RYK: variants seen among roughly 807,000 people sequenced by gnomAD.
The protein encoded by RYK is receptor like tyrosine kinase.
Under a neutral mutation model 70.2 loss-of-function variants are expected in RYK, and 21 were observed. That is an observed-to-expected ratio of 0.30 (90% CI 0.21 to 0.43). RYK has a LOEUF of 0.43. RYK is among the 20% of genes least tolerant of loss of function. The probability of loss-of-function intolerance (pLI) is 1.00; values close to 1 mark genes in which losing one functional copy is unlikely to be tolerated. For missense variants in RYK, 604 were observed against 753.3 expected (o/e 0.80, Z 2.32); for synonymous variants, 267 against 278.0 (o/e 0.96, Z 0.39).
At chr3:134,193,793 C>T (rs1334420902) in intron 7 of RYK, among the ~76,000 whole-genome samples, 1 of 152,136 alleles carries the variant, frequency 6.6e-6, no homozygotes, top group East Asian at 1.9e-4. Flanking sequence ...GAAACTGGGT[C>T]GGCTACCCTG....
At chr3:134,204,283 C>G (rs1483809591) in intron 5 of RYK, among the ~76,000 whole-genome samples, 1 of 151,798 alleles carries the variant, frequency 6.6e-6, no homozygotes, top group African/African-American at 2.4e-5. Context: ...CCCTTGAGGT[C>G]AGGAGTTTGA....
At chr3:134,191,202 C>A (rs542063115) in intron 8 of RYK, among the ~76,000 whole-genome samples, 2 of 152,312 alleles carry the variant, frequency 1.3e-5, no homozygotes, top group East Asian at 3.9e-4. Context: ...CTTCTTTCAG[C>A]ATCTCCCTAA....
intron 5 of RYK, among the ~76,000 whole-genome samples, chr3:134,204,369 C>T (rs981244600): frequency 4.0e-5 from 6 of 151,586 alleles, no homozygotes; most frequent in South Asian, 2.1e-4. Flanking sequence ...TATGGTGGTG[C>T]GCACCTGTAG....
intron 13 of RYK, among the ~76,000 whole-genome samples, chr3:134,165,095 T>C (rs576337640): frequency 2.0e-4 from 31 of 152,362 alleles, no homozygotes; most frequent in African/African-American, 6.7e-4. Context: ...CAGCAATGTA[T>C]TGTATAGCTC....
intron 14 of RYK, among the ~76,000 whole-genome samples, chr3:134,158,637 G>T (rs4349494): frequency 0.091 from 13,817 of 152,232 alleles, 1,285 homozygotes; most frequent in South Asian, 0.32. Flanking sequence ...AGTAAAATCA[G>T]TACAAAAGCT....
chr3:134,207,589 TA>T, intron 4 of RYK, 64 bp from the exon 5 acceptor site: 5 of 1,072,396 alleles, frequency 4.7e-6, no homozygotes, highest in Non-Finnish European at 6.8e-6. Flanking sequence ...CCTTAATTAC[TA>T]TAATTATCAG....
intron 5 of RYK, among the ~76,000 whole-genome samples, chr3:134,203,097 A>G (rs2014079457): frequency 6.6e-6 from 1 of 152,172 alleles, no homozygotes. Context: ...CTGTAATCCC[A>G]GCACTTCGGG....
intron 1 of RYK, among the ~76,000 whole-genome samples, chr3:134,235,512 AATCTATAGAGAAT>A (rs1220815587): frequency 3.9e-5 from 6 of 152,152 alleles, no homozygotes; most frequent in Non-Finnish European, 8.8e-5. Flanking sequence ...AAAAAGATGA[AATCTATAGAGAAT>A]ATCATACTTT....
intron 1 of RYK, among the ~76,000 whole-genome samples, chr3:134,246,260 T>C (rs1387774137): frequency 6.7e-6 from 1 of 149,902 alleles, no homozygotes; most frequent in Non-Finnish European, 1.5e-5. Context: ...AGATCATTTG[T>C]AGTGGGTTCA....
intron 9 of RYK, among the ~76,000 whole-genome samples, chr3:134,186,182 T>G (rs1176968259): frequency 6.6e-6 from 1 of 152,220 alleles, no homozygotes; most frequent in East Asian, 1.9e-4. Context: ...ACTGATTCAT[T>G]TATTTTATGG....
At chr3:134,192,395 T>C (rs1208511666) in intron 7 of RYK, among the ~76,000 whole-genome samples, 1 of 150,092 alleles carries the variant, frequency 6.7e-6, no homozygotes, top group Non-Finnish European at 1.5e-5. Context: ...TGAAAAGATT[T>C]TTTTCAAACA....
At chr3:134,244,654 A>C (rs1485204476) in intron 1 of RYK, among the ~76,000 whole-genome samples, 1 of 152,190 alleles carries the variant, frequency 6.6e-6, no homozygotes, top group African/African-American at 2.4e-5. Flanking sequence ...AAAGCTTCTG[A>C]AGCTTTCGGT....
chr3:134,210,916 T>A (rs1047383910), intron 3 of RYK, among the ~76,000 whole-genome samples: 2 of 151,684 alleles, frequency 1.3e-5, no homozygotes, highest in African/African-American at 4.8e-5. Context: ...GCAGAATGAG[T>A]AGGATGAATA....
intron 5 of RYK, among the ~76,000 whole-genome samples, chr3:134,203,641 AAAAG>A (rs1184388881): frequency 6.6e-6 from 1 of 152,228 alleles, no homozygotes; most frequent in Non-Finnish European, 1.5e-5. Context: ...AAGATTAAAA[AAAAG>A]AAAGAAAAAA....
chr3:134,173,862 A>G (rs549753159), intron 13 of RYK, among the ~76,000 whole-genome samples: 27 of 152,370 alleles, frequency 1.8e-4, no homozygotes, highest in African/African-American at 4.8e-4. Context: ...TTAAATTAGA[A>G]TATCAGTTTT....
intron 1 of RYK, among the ~76,000 whole-genome samples, chr3:134,246,375 T>TAAAA (rs35031038): frequency 3.6e-5 from 4 of 109,866 alleles, no homozygotes; most frequent in African/African-American, 1.2e-4. Flanking sequence ...TGGGAATTAT[T>TAAAA]AAAAAAAAAA....
chr3:134,232,635 A>C (rs1163602632), intron 1 of RYK, among the ~76,000 whole-genome samples: 1 of 152,238 alleles, frequency 6.6e-6, no homozygotes, highest in Non-Finnish European at 1.5e-5. Context: ...ACTTGTTTTG[A>C]AACAGATACT....
chr3:134,158,533 T>TA (rs59527178), intron 14 of RYK, among the ~76,000 whole-genome samples: 27 of 152,048 alleles, frequency 1.8e-4, no homozygotes, highest in African/African-American at 5.6e-4. Flanking sequence ...TAAAACACAG[T>TA]AAAAAAAGAA....
In RYK at chr3:134,250,532, C is replaced by G; in HGVS notation, c.123G>C (p.Ala41=). The G allele has an allele frequency of 8.4e-7, 1 of 1,193,180 alleles. No homozygotes were observed. The highest frequency in any genetic ancestry group is 1.0e-6 in the Non-Finnish European group (1 of 955,306). 73.9% of individuals were successfully genotyped at this position (1,193,180 alleles called of 1,614,324 possible). The change falls in exon 1 of 15, where the codon GCG becomes GCC. Residue 41 remains alanine (A), a synonymous_variant. Coordinates refer to ENST00000623711, the MANE Select transcript of RYK (RefSeq NM_002958.4). The part of the protein sequence containing the change: ...LLLALLPLLP[A]PGAAAAPAPR... ...GGGCGGGGGCGGCGGCAGCGCCAGG[C>G]GCGGGCAGCAGCGGCAACAGCGCAA...
Sources: gnomAD v4.1 joint callset for allele counts (sites outside exome capture counted in the v4.1 genomes callset) on GRCh38, gnomAD v4.1.1 for gene constraint, MANE v1.5 for transcripts, NCBI Gene and HGNC (gene_info 2026-07-23, HGNC 2026-07-21) for gene names.